The following CSMD3 variants were observed in gnomAD, a reference collection of about 807,000 sequenced individuals.
CSMD3 encodes the protein CUB and sushi domain-containing protein 3.
A neutral mutation model predicts 435.2 loss-of-function variants in CSMD3; 177 were observed. The observed-to-expected ratio is 0.41, with a 90% CI of 0.36 to 0.46. The LOEUF (loss-of-function observed/expected upper bound fraction) is 0.46, where lower values mean the gene tolerates loss of function less well. Ranked by LOEUF, CSMD3 falls within the 20% of genes least tolerant of loss-of-function variation. CSMD3 has a pLI of 0.34. For missense variants in CSMD3, 4,265 were observed against 4,504.6 expected, an observed-to-expected ratio of 0.95 and a Z score of 1.52; for synonymous variants, 1,656 against 1,520.5, an observed-to-expected ratio of 1.09 and a Z score of -2.07.
rs576415868 is a variant in CSMD3 at position 113,076,508 on chromosome 8, A to G, written c.917+22248T>C. Among the ~76,000 whole-genome samples the G allele has an allele frequency of 1.4e-4, 21 of 152,220 alleles. No individual in the cohort carries two copies. The East Asian group carries it at 3.7e-3, about 27-fold the overall frequency. The stretch of plus-strand genomic sequence containing the variant: ...TACAAACTTTTATTTGATTAAATCT[A>G]TAGTAGTACAAGAAAAATGTGATTA... On this transcript the variant is annotated intron_variant, in intron 5 of 70. Transcript: ENST00000297405.
At chr8:112,524,337 TA>T (rs971675304) in intron 27 of CSMD3, among the ~76,000 whole-genome samples, 289 of 141,314 alleles carry the variant, frequency 2.0e-3, no homozygotes, top group Admixed American at 2.6e-3. Context: ...TATTAGTAAG[TA>T]AAAAAAAAAA....
At chr8:112,438,374 C>T (rs1363120875) in intron 32 of CSMD3, among the ~76,000 whole-genome samples, 1 of 152,126 alleles carries the variant, frequency 6.6e-6, no homozygotes, top group Non-Finnish European at 1.5e-5. Flanking sequence ...CTGCTGGAGT[C>T]ACTAAGGTGG....
intron 28 of CSMD3, 64 bp downstream of exon 28, chr8:112,516,970 C>A (rs1823732484): frequency 1.3e-5 from 17 of 1,270,172 alleles, no homozygotes; most frequent in Non-Finnish European, 1.8e-5. Context: ...TTCTTAAGAA[C>A]AATACCAGTT....
intron 3 of CSMD3, among the ~76,000 whole-genome samples, chr8:113,200,146 A>G (rs929106563): frequency 7.3e-5 from 11 of 151,708 alleles, no homozygotes; most frequent in Non-Finnish European, 1.2e-4. Flanking sequence ...CATTTTACCA[A>G]TTGTTGAAAG....
At chr8:112,971,000 C>T (rs531872773) in intron 7 of CSMD3, among the ~76,000 whole-genome samples, 4 of 152,044 alleles carry the variant, frequency 2.6e-5, no homozygotes, top group Non-Finnish European at 5.9e-5. Flanking sequence ...GGATGACAGG[C>T]GTGGGCCACC....
In CSMD3 at chr8:113,156,129, T is replaced by A. The variant is rs186523087; in HGVS notation, c.709+17593A>T. On this transcript the variant is annotated intron_variant, in intron 4 of 70. Coordinates refer to ENST00000297405, the MANE Select transcript of CSMD3 (RefSeq NM_198123.2). ...TGTGCTGCCTAAATATGGCTTAGAATAGAAAGGTAAGCAAAAATTTCTAGG... is the reference window on the plus strand; with the variant it reads ...TGTGCTGCCTAAATATGGCTTAGAAAAGAAAGGTAAGCAAAAATTTCTAGG... Among the ~76,000 whole-genome samples, 168 of 152,146 alleles carry A rather than the reference T, an allele frequency of 1.1e-3. 1 individual carries two copies. Among genetic ancestry groups the A allele is most frequent in the Non-Finnish European group, 1.8e-3 (124 of 67,990 alleles).
chr8:112,870,953 T>A (rs2130043306), intron 10 of CSMD3, among the ~76,000 whole-genome samples: 1 of 152,310 alleles, frequency 6.6e-6, no homozygotes, highest in African/African-American at 2.4e-5. Flanking sequence ...ATATTTTATT[T>A]CCATCTCCCC....
At chr8:113,324,226 G>A (rs1038763109) in intron 1 of CSMD3, among the ~76,000 whole-genome samples, 2 of 152,170 alleles carry the variant, frequency 1.3e-5, no homozygotes, top group South Asian at 2.1e-4. Context: ...AAGTTACGTG[G>A]AAAGAATGTG....
intron 1 of CSMD3, among the ~76,000 whole-genome samples, chr8:113,411,884 A>C (rs1329539326): frequency 6.6e-6 from 1 of 152,146 alleles, no homozygotes; most frequent in Admixed American, 6.5e-5. Context: ...CAACAACTGC[A>C]AAATTTTCTT....
chr8:112,286,969 C>G lies in CSMD3; in HGVS notation c.9331+95G>C. On this transcript the variant is annotated intron_variant, in intron 58 of 70. Transcript: ENST00000297405. ...ATTTCATAGTTGCAGGCAGAATAAA[C>G]TAGTAAGAGTAATTTTCCTAGTAGT... 3 of 969,646 alleles carry G rather than the reference C, an allele frequency of 3.1e-6. No individual in the cohort carries two copies. The South Asian group carries it at 3.9e-5, about 13-fold the overall frequency. The allele number at this position is 969,646 out of a possible 1,614,324, so 60.1% of individuals were successfully genotyped here.
At chr8:112,322,053 T>C (rs1159852645) in intron 45 of CSMD3, among the ~76,000 whole-genome samples, 1 of 152,120 alleles carries the variant, frequency 6.6e-6, no homozygotes, top group Non-Finnish European at 1.5e-5. Flanking sequence ...GACTATGCTT[T>C]AGAGAAGGCT....
rs181397499 is a variant in CSMD3, at chr8:112,786,779, G to C, written c.1972+13383C>G. Among the ~76,000 whole-genome samples the C allele has an allele frequency of 3.9e-5, 6 of 152,132 alleles. No individual in the cohort carries two copies. In the South Asian group the frequency reaches 1.2e-3, roughly 32 times the overall value. On this transcript the variant is annotated intron_variant, in intron 13 of 70. Transcript: ENST00000297405. ...ATACTCTAAGTTCTGGGATACATGT[G>C]CAGAATGTTCAGGTTTGTTACATAG...
chr8:112,876,221 C>A (rs2081277690), intron 10 of CSMD3, among the ~76,000 whole-genome samples: 1 of 152,022 alleles, frequency 6.6e-6, no homozygotes, highest in East Asian at 1.9e-4. Context: ...CAGGACCAGA[C>A]AGATTCATAG....
At chr8:112,726,183 T>C (rs1199149014) in intron 13 of CSMD3, among the ~76,000 whole-genome samples, 1 of 152,000 alleles carries the variant, frequency 6.6e-6, no homozygotes, top group Non-Finnish European at 1.5e-5. Context: ...TACCTCCACC[T>C]GGTCTCTCAC....
At chr8:112,407,509 C>T (rs555190064) in intron 34 of CSMD3, among the ~76,000 whole-genome samples, 31 of 151,800 alleles carry the variant, frequency 2.0e-4, no homozygotes, top group Non-Finnish European at 3.4e-4. Flanking sequence ...TCTTCTTATG[C>T]GACTTGAGTA....
At chr8:112,269,120 C>T (rs1393204128) in intron 59 of CSMD3, among the ~76,000 whole-genome samples, 2 of 152,162 alleles carry the variant, frequency 1.3e-5, no homozygotes. Context: ...AACCACTGTG[C>T]TGAGGAATAG....
At chr8:113,106,558 T>G (rs113364038) in intron 4 of CSMD3, among the ~76,000 whole-genome samples, 1 of 152,248 alleles carries the variant, frequency 6.6e-6, no homozygotes, top group East Asian at 1.9e-4. Context: ...TATGGAAAGA[T>G]TAATGGTCAA....
chr8:112,464,349 GAAC>G (rs934877785), intron 32 of CSMD3, among the ~76,000 whole-genome samples: 6 of 151,988 alleles, frequency 3.9e-5, no homozygotes, highest in African/African-American at 1.2e-4. Context: ...CACCTATGTG[GAAC>G]AACTGATGAG....
rs1027176132 is a variant in CSMD3, at chr8:113,018,786, T to C, written c.1030+281A>G. 1.5e-5 allele frequency: 6 copies of C among 402,044 alleles called. No homozygotes were observed. The Admixed American group carries it at 1.6e-4, about 11-fold the overall frequency. The allele number at this position is 402,044 out of a possible 1,614,324, so 24.9% of individuals were successfully genotyped here. A position where few individuals can be genotyped will look rare whatever the true frequency, so the allele number is the denominator to read the frequency against. Reference sequence around the variant, plus strand: ...GTACAACTTCAGATAGTATATCCAATTGCTGAAGCACTTTATTAAAGAAAA... The same window carrying C: ...GTACAACTTCAGATAGTATATCCAACTGCTGAAGCACTTTATTAAAGAAAA... On this transcript the variant is annotated intron_variant, in intron 6 of 70. Coordinates refer to ENST00000297405, the MANE Select transcript of CSMD3 (RefSeq NM_198123.2).
Sources: gnomAD v4.1 joint callset for allele counts (sites outside exome capture counted in the v4.1 genomes callset) on GRCh38, gnomAD v4.1.1 for gene constraint, MANE v1.5 for transcripts, NCBI Gene and HGNC (gene_info 2026-07-23, HGNC 2026-07-21) for gene names.